The following ATRX variants were observed in gnomAD, a reference collection of about 807,000 sequenced individuals.
ATRX encodes the protein ATRX chromatin remodeler.
Under a neutral mutation model 172.6 loss-of-function variants are expected in ATRX, and 12 were observed. That is an observed-to-expected ratio of 0.07 (90% CI 0.04 to 0.11). The LOEUF is 0.11. ATRX is among the 10% of genes least tolerant of loss of function. ATRX has a pLI of 1.00. For missense variants in ATRX, 1,368 were observed against 1,767.4 expected, an observed-to-expected ratio of 0.77 and a Z score of 4.05; for synonymous variants, 674 against 594.7, an observed-to-expected ratio of 1.13 and a Z score of -1.94.
intron 22 of ATRX, among the ~76,000 whole-genome samples, chrX:77,609,127 T>G (rs963030783): frequency 6.3e-5 from 7 of 111,816 alleles, no homozygotes; most frequent in Non-Finnish European, 1.3e-4. Context: ...CCACATACAC[T>G]GCTGTTGGGA....
intron 15 of ATRX, among the ~76,000 whole-genome samples, chrX:77,642,387 G>A (rs2068697774): frequency 1.8e-5 from 2 of 112,024 alleles, no homozygotes; most frequent in African/African-American, 3.2e-5. Flanking sequence ...ATGCAGAGGA[G>A]CAAAGATGAA....
chrX:77,652,309 T>C lies in ATRX; in HGVS notation c.4362A>G (p.Glu1454=), dbSNP rs1941634051. 1 of 1,204,995 alleles carries C rather than the reference T, an allele frequency of 8.3e-7. No homozygotes were observed. Among genetic ancestry groups the C allele is most frequent in the Non-Finnish European group, 1.1e-6 (1 of 891,465 alleles). ...CCTCCTCTTCCTCCTCCTCCTCCTC[T>C]TCCTCCTCCTCTTCTTTTTCCTCCT... is the stretch of plus-strand genomic sequence containing the variant. ...EEEEEKEEEE[E]EEEEEEEEEE... The change falls in exon 15 of 35, where the codon GAA becomes GAG. Residue 1454 remains glutamate (E), a synonymous_variant. Coordinates refer to ENST00000373344, the MANE Select transcript of ATRX (RefSeq NM_000489.6).
chrX:77,558,592 C>T, intron 29 of ATRX, 77 bp downstream of exon 29: 1 of 912,052 alleles, frequency 1.1e-6, no homozygotes, highest in Non-Finnish European at 1.6e-6. Context: ...CTCTGTAATA[C>T]ACATATGTTC....
intron 1 of ATRX, among the ~76,000 whole-genome samples, chrX:77,733,949 A>G (rs1351817491): frequency 9.1e-6 from 1 of 109,541 alleles, no homozygotes; most frequent in Admixed American, 9.9e-5. Flanking sequence ...CACACCTGTA[A>G]TCCCAACACT....
At chrX:77,781,298 C>T (rs966522504) in intron 1 of ATRX, among the ~76,000 whole-genome samples, 1 of 109,565 alleles carries the variant, frequency 9.1e-6, no homozygotes, top group Admixed American at 9.8e-5. Context: ...AACAATTAGC[C>T]GCACATGGTG....
At chrX:77,645,819 T>C (rs2068883483) in intron 15 of ATRX, among the ~76,000 whole-genome samples, 1 of 112,258 alleles carries the variant, frequency 8.9e-6, no homozygotes, top group Non-Finnish European at 1.9e-5. Flanking sequence ...AGTCACCACA[T>C]AATATACAGG....
intron 4 of ATRX, 97 bp from the exon 5 acceptor site, chrX:77,696,801 C>T: frequency 1.1e-6 from 1 of 900,516 alleles, no homozygotes; most frequent in Non-Finnish European, 1.6e-6. Context: ...AGCAGTGGGT[C>T]TCAACAAGGA....
rs1473844245 is a variant in ATRX at position 77,737,443 on chromosome X, G to GT, written c.21-20201_21-20200insA. Among the ~76,000 whole-genome samples the GT allele has an allele frequency of 1.8e-4, 14 of 78,737 alleles. 1 individual carries two copies. Among genetic ancestry groups the GT allele is most frequent in the African/African-American group, 5.6e-4 (12 of 21,449 alleles). 68.4% of individuals were successfully genotyped at this position (78,737 alleles called of 115,157 possible). ...GTCTCCAAAAAAAAAAAAGGGGGGGGGGGGCCTAGTATTTGATGGCACAAC... is the reference window on the plus strand; with the variant it reads ...GTCTCCAAAAAAAAAAAAGGGGGGGGTGGGGCCTAGTATTTGATGGCACAAC... On this transcript the variant is annotated intron_variant, in intron 1 of 34. Coordinates refer to ENST00000373344, the MANE Select transcript of ATRX (RefSeq NM_000489.6).
Position 77,682,682 on chromosome X carries a change from T to A in ATRX, c.2574A>T (p.Lys858Asn), listed in dbSNP as rs1557139315. Residue 858 changes from lysine to asparagine, a missense_variant, in exon 9 of 35, where the codon AAA becomes AAT. This residue lies in a region of ATRX where 843 missense variants were observed against 643.1 expected (regional missense o/e 1.31). Transcript: ENST00000373344. ...DSSEDEKHSK[K>N]GMDNQGHKNL... is the part of the protein sequence containing the mutation. Reference sequence around the variant, plus strand: ...TTTTGTGCCCTTGATTATCCATTCCTTTTTTGCTGTGTTTCTCATCTTCAG... The same window carrying A: ...TTTTGTGCCCTTGATTATCCATTCCATTTTTGCTGTGTTTCTCATCTTCAG... 1.7e-6 allele frequency: 2 copies of A among 1,209,219 alleles called. No individual in the cohort carries two copies. Among genetic ancestry groups the A allele is most frequent in the East Asian group, 5.9e-5 (2 of 33,840 alleles).
At chrX:77,773,517 G>T in intron 1 of ATRX, among the ~76,000 whole-genome samples, 1 of 111,072 alleles carries the variant, frequency 9.0e-6, no homozygotes, top group Middle Eastern at 4.6e-3. Context: ...ACTTTGAAAG[G>T]CCAAGGCGGG....
intron 28 of ATRX, among the ~76,000 whole-genome samples, chrX:77,567,562 T>A (rs1443764087): frequency 4.6e-5 from 5 of 109,803 alleles, no homozygotes; most frequent in African/African-American, 1.7e-4. Context: ...GCTGAAAATA[T>A]CAGAAGCAAA....
chrX:77,567,907 G>A (rs928789658), intron 28 of ATRX, among the ~76,000 whole-genome samples: 1 of 110,760 alleles, frequency 9.0e-6, no homozygotes, highest in South Asian at 3.7e-4. Context: ...ACCTCCAAAC[G>A]CATGGAAATT....
intron 30 of ATRX, among the ~76,000 whole-genome samples, chrX:77,551,989 T>C (rs1274517903): frequency 2.7e-5 from 3 of 111,541 alleles, no homozygotes; most frequent in Non-Finnish European, 5.7e-5. Flanking sequence ...GGAGAGGATG[T>C]GGAGAAATAG....
At chrX:77,747,153 A>G (rs1428079782) in intron 1 of ATRX, among the ~76,000 whole-genome samples, 1 of 111,631 alleles carries the variant, frequency 9.0e-6, no homozygotes, top group Non-Finnish European at 1.9e-5. Flanking sequence ...AACAAAGGCC[A>G]CTCATGTCAA....
rs782182706 is a variant in ATRX at position 77,766,541 on chromosome X, C to T, written c.20+19441G>A. The stretch of plus-strand genomic sequence containing the variant: ...GCAGAGACGCTCCTCACCTCCCAGA[C>T]GGGGTCGCAGCCGGGCAGAGGCGCT... On this transcript the variant is annotated intron_variant, in intron 1 of 34. Transcript: ENST00000373344. Among the ~76,000 whole-genome samples the T allele has an allele frequency of 8.3e-5, 9 of 108,442 alleles. No homozygotes were observed. In the South Asian group the frequency reaches 1.6e-3, roughly 20 times the overall value. 94.2% of individuals were successfully genotyped at this position (108,442 alleles called of 115,157 possible). A position where few individuals can be genotyped will look rare whatever the true frequency, so the allele number is the denominator to read the frequency against.
rs782282345 is a variant in ATRX, at chrX:77,717,228, A to G, written c.36T>C (p.Asn12=). The G allele has an allele frequency of 1.7e-6, 2 of 1,207,732 alleles. No homozygotes were observed. Among genetic ancestry groups the G allele is most frequent in the Non-Finnish European group, 2.2e-6 (2 of 891,962 alleles). ...TAEPMSESKL[N]TLVQKLHDFL... ...AGTCATGAAGCTTCTGCACCAATGTATTCAACTTGCTTTCACTATTAAAAC... is the reference window on the plus strand; with the variant it reads ...AGTCATGAAGCTTCTGCACCAATGTGTTCAACTTGCTTTCACTATTAAAAC... The change falls in exon 2 of 35, where the codon AAT becomes AAC. Residue 12 remains asparagine (N), a synonymous_variant. Coordinates refer to ENST00000373344, the MANE Select transcript of ATRX (RefSeq NM_000489.6).
chrX:77,762,065 G>A, intron 1 of ATRX, among the ~76,000 whole-genome samples: 1 of 110,423 alleles, frequency 9.1e-6, no homozygotes, highest in Non-Finnish European at 1.9e-5. Context: ...CATTTTGGGA[G>A]GCCGAGGCGG....
At chrX:77,702,029 G>A (rs1157622257) in intron 2 of ATRX, among the ~76,000 whole-genome samples, 1 of 111,259 alleles carries the variant, frequency 9.0e-6, no homozygotes, top group African/African-American at 3.3e-5. Context: ...TCATGCCACT[G>A]CACTCCACCC....
chrX:77,576,140 C>T (rs781800465), intron 27 of ATRX, among the ~76,000 whole-genome samples: 60 of 111,548 alleles, frequency 5.4e-4, no homozygotes, highest in African/African-American at 1.9e-3. Flanking sequence ...AAAAGAAGTA[C>T]AACCCTACTA....
Sources: gnomAD v4.1 joint callset for allele counts (sites outside exome capture counted in the v4.1 genomes callset) on GRCh38, gnomAD v4.1.1 for gene constraint, gnomAD v4.1.1 regional missense constraint, MANE v1.5 for transcripts, NCBI Gene and HGNC (gene_info 2026-07-23, HGNC 2026-07-21) for gene names.